The following SEMA6D variants were observed in gnomAD, a reference collection of about 807,000 sequenced individuals.
SEMA6D encodes the protein semaphorin 6D.
Under a neutral mutation model 106.6 loss-of-function variants are expected in SEMA6D, and 35 were observed. The observed-to-expected ratio is 0.33, with a 90% CI of 0.25 to 0.44. SEMA6D has a LOEUF of 0.44. SEMA6D is among the 20% of genes least tolerant of loss of function. The probability of loss-of-function intolerance (pLI) is 1.00; values close to 1 mark genes in which losing one functional copy is unlikely to be tolerated. For missense variants in SEMA6D, 1,185 were observed against 1,345.9 expected, an observed-to-expected ratio of 0.88 and a Z score of 1.87; for synonymous variants, 499 against 487.7, an observed-to-expected ratio of 1.02 and a Z score of -0.31.
chr15:47,242,043 G>A (rs2032944022), intron 1 of SEMA6D, among the ~76,000 whole-genome samples: 1 of 152,064 alleles, frequency 6.6e-6, no homozygotes, highest in South Asian at 2.1e-4. Context: ...AACTTGTGTG[G>A]CCTTGGATAA....
intron 1 of SEMA6D, among the ~76,000 whole-genome samples, chr15:47,367,725 C>G (rs385785): frequency 3.8e-4 from 8 of 21,198 alleles, no homozygotes; most frequent in Non-Finnish European, 6.6e-4. Context: ...CACACACACA[C>G]ACAGAGAGAG....
intron 4 of SEMA6D, among the ~76,000 whole-genome samples, chr15:47,675,957 A>C (rs1283360777): frequency 3.8e-5 from 2 of 52,778 alleles, no homozygotes; most frequent in South Asian, 7.5e-4. Flanking sequence ...GGGAGGGGGG[A>C]GGGGGGAGAA....
intron 2 of SEMA6D, among the ~76,000 whole-genome samples, chr15:47,417,061 A>T (rs189314518): frequency 6.6e-6 from 1 of 152,110 alleles, no homozygotes. Flanking sequence ...GATAAAGGCA[A>T]TCTTTTTTAT....
intron 2 of SEMA6D, among the ~76,000 whole-genome samples, chr15:47,427,789 A>G (rs2041389555): frequency 6.6e-6 from 1 of 152,080 alleles, no homozygotes; most frequent in Non-Finnish European, 1.5e-5. Flanking sequence ...CCTTATCGTT[A>G]TTGTTATTAA....
At chr15:47,278,642 C>T (rs1228855999) in intron 1 of SEMA6D, among the ~76,000 whole-genome samples, 1 of 151,980 alleles carries the variant, frequency 6.6e-6, no homozygotes, top group Non-Finnish European at 1.5e-5. Flanking sequence ...TCAATTTTGG[C>T]TTTTGTTACC....
chr15:47,516,614 G>T (rs1284469317), intron 3 of SEMA6D, among the ~76,000 whole-genome samples: 1 of 152,062 alleles, frequency 6.6e-6, no homozygotes, highest in Non-Finnish European at 1.5e-5. Flanking sequence ...GGCAACTAAG[G>T]GACAGAAAAG....
At chr15:47,282,912 A>T (rs901440846) in intron 1 of SEMA6D, among the ~76,000 whole-genome samples, 1 of 152,106 alleles carries the variant, frequency 6.6e-6, no homozygotes. Context: ...CAACATTCTC[A>T]TGCCACTTCT....
chr15:47,653,676 G>A (rs2077735777), intron 4 of SEMA6D, among the ~76,000 whole-genome samples: 1 of 152,196 alleles, frequency 6.6e-6, no homozygotes, highest in African/African-American at 2.4e-5. Flanking sequence ...ATTTAACATG[G>A]ATTACTAATA....
At chr15:47,541,241 G>A (rs1413259208) in intron 3 of SEMA6D, among the ~76,000 whole-genome samples, 2 of 152,174 alleles carry the variant, frequency 1.3e-5, no homozygotes, top group East Asian at 1.9e-4. Context: ...GAGTTGGGAT[G>A]AAAGTTTTCC....
At chr15:47,403,398 A>G (rs1014007265) in intron 1 of SEMA6D, among the ~76,000 whole-genome samples, 1 of 152,184 alleles carries the variant, frequency 6.6e-6, no homozygotes, top group African/African-American at 2.4e-5. Context: ...AAATGATTTA[A>G]TGGAATATGA....
intron 3 of SEMA6D, among the ~76,000 whole-genome samples, chr15:47,491,642 TA>T (rs2043479487): frequency 6.6e-6 from 1 of 152,314 alleles, no homozygotes; most frequent in East Asian, 1.9e-4. Flanking sequence ...GTTTGTATTA[TA>T]TTTTTAAATG....
At chr15:47,191,682 A>T (rs528573357) in intron 1 of SEMA6D, among the ~76,000 whole-genome samples, 1 of 152,224 alleles carries the variant, frequency 6.6e-6, no homozygotes, top group East Asian at 1.9e-4. Context: ...AATTAAATGT[A>T]TCAAATAAAT....
At chr15:47,214,786 C>T (rs143402097) in intron 1 of SEMA6D, among the ~76,000 whole-genome samples, 45 of 152,222 alleles carry the variant, frequency 3.0e-4, no homozygotes, top group Non-Finnish European at 6.3e-4. Context: ...AGGTATAAAT[C>T]AGAAGATGTA....
chr15:47,647,773 T>C (rs2077610122), intron 4 of SEMA6D, among the ~76,000 whole-genome samples: 1 of 151,242 alleles, frequency 6.6e-6, no homozygotes, highest in Non-Finnish European at 1.5e-5. Context: ...AATTATTCAA[T>C]GAATCCAAAT....
At chr15:47,228,988 A>C (rs1470623486) in intron 1 of SEMA6D, among the ~76,000 whole-genome samples, 1 of 152,058 alleles carries the variant, frequency 6.6e-6, no homozygotes, top group African/African-American at 2.4e-5. Flanking sequence ...CTGAATTTTA[A>C]ATGGATGGGC....
At chr15:47,613,650 T>A (rs1219125359) in intron 4 of SEMA6D, among the ~76,000 whole-genome samples, 2 of 151,806 alleles carry the variant, frequency 1.3e-5, no homozygotes, top group Admixed American at 1.3e-4. Context: ...CTTTATTTTT[T>A]AATTTTTTTT....
intron 4 of SEMA6D, among the ~76,000 whole-genome samples, chr15:47,643,827 T>C (rs980215064): frequency 1.3e-5 from 2 of 152,226 alleles, no homozygotes; most frequent in Non-Finnish European, 2.9e-5. Context: ...TTATAGTCAC[T>C]ATACAGTGCT....
Position 47,552,817 on chromosome 15 carries a change from A to AT in SEMA6D, c.-86-48048_-86-48047insT, listed in dbSNP as rs2045753869. 2.4e-3 allele frequency among the ~76,000 whole-genome samples: 32 copies of AT among 13,500 alleles called. 1 individual carries two copies. The highest frequency in any genetic ancestry group is 4.8e-3 in the African/African-American group (31 of 6,400). 8.9% of individuals were successfully genotyped at this position (13,500 alleles called of 152,430 possible). On this transcript the variant is annotated intron_variant, in intron 3 of 19. Transcript: ENST00000558014. Reference sequence around the variant, plus strand: ...TTATATATATATAAAAATATATATAAATATATATATTTTTATATATATATA... The same window carrying AT: ...TTATATATATATAAAAATATATATAATATATATATATTTTTATATATATATA...
intron 8 of SEMA6D, 141 bp downstream of exon 8, chr15:47,762,460 C>T (rs2082112794): frequency 2.1e-6 from 2 of 949,016 alleles, no homozygotes; most frequent in South Asian, 3.5e-5. Context: ...TGATTGTGAA[C>T]AGGAGCATTG....
Sources: allele counts gnomAD v4.1 joint callset (sites outside exome capture counted in the v4.1 genomes callset), GRCh38; gene constraint gnomAD v4.1.1; transcripts MANE v1.5; gene names NCBI Gene and HGNC (gene_info 2026-07-23, HGNC 2026-07-21).